Variants in GALNT13 observed in about 807,000 individuals in gnomAD.
GALNT13 encodes polypeptide N-acetylgalactosaminyltransferase 13, also known as UDP-GalNAc:polypeptide N-acetylgalactosaminyltransferase 13.
In GALNT13, 28 loss-of-function variants were observed where a neutral mutation model predicts 64.2. The observed-to-expected ratio is 0.44, with a 90% CI of 0.32 to 0.60. GALNT13 has a LOEUF of 0.60. Among genes scored for constraint, GALNT13 ranks in the 20% least tolerant of loss-of-function variants. The pLI, the probability that GALNT13 is intolerant of heterozygous loss-of-function variation, is 0.05. For synonymous variants in GALNT13, 214 were observed against 224.6 expected, an observed-to-expected ratio of 0.95 and a Z score of 0.42; for missense variants, 577 against 669.8, an observed-to-expected ratio of 0.86 and a Z score of 1.53.
the GALNT13 span, among the ~76,000 whole-genome samples, chr2:153,364,662 G>GGAATACAGCTAAAAA: frequency 2.6e-5 from 4 of 151,948 alleles, no homozygotes; most frequent in Non-Finnish European, 5.9e-5. Flanking sequence ...GAAATATCTA[G>GGAATACAGCTAAAAA]GAATACAGCT....
intron 4 of GALNT13, among the ~76,000 whole-genome samples, chr2:154,223,456 T>C (rs1242493251): frequency 6.8e-6 from 1 of 146,754 alleles, no homozygotes; most frequent in Non-Finnish European, 1.5e-5. Context: ...TTCTTTTTTT[T>C]TTTTTTTTTT....
chr2:153,646,327 C>A, the GALNT13 span, among the ~76,000 whole-genome samples: 1 of 151,816 alleles, frequency 6.6e-6, no homozygotes, highest in Non-Finnish European at 1.5e-5. Flanking sequence ...TTGAAGACAT[C>A]TGTATCTGCA....
At chr2:153,556,485 A>G in the GALNT13 span, among the ~76,000 whole-genome samples, 2 of 152,204 alleles carry the variant, frequency 1.3e-5, no homozygotes, top group Non-Finnish European at 2.9e-5. Flanking sequence ...ACTTTAGAAA[A>G]AGATTTCCTT....
At chr2:154,430,670 G>T (rs991014348) in intron 11 of GALNT13, among the ~76,000 whole-genome samples, 1 of 152,172 alleles carries the variant, frequency 6.6e-6, no homozygotes, top group Admixed American at 6.5e-5. Context: ...GTTCTACCAT[G>T]AGTAAAATGC....
At chr2:154,230,388 A>G (rs1688853000) in intron 4 of GALNT13, among the ~76,000 whole-genome samples, 1 of 152,148 alleles carries the variant, frequency 6.6e-6, no homozygotes, top group Non-Finnish European at 1.5e-5. Context: ...AATTATATTC[A>G]GAGGTTACAT....
At chr2:154,414,079 A>G (rs1165975192) in intron 11 of GALNT13, among the ~76,000 whole-genome samples, 1 of 152,040 alleles carries the variant, frequency 6.6e-6, no homozygotes, top group Non-Finnish European at 1.5e-5. Context: ...CAAGCCTATC[A>G]ATTTCCTTGT....
At chr2:153,657,062 G>A in the GALNT13 span, among the ~76,000 whole-genome samples, 81 of 152,198 alleles carry the variant, frequency 5.3e-4, no homozygotes, top group African/African-American at 1.7e-3. Context: ...GTCTTATAGC[G>A]GTGTTGGGCA....
At chr2:153,452,885 T>C in the GALNT13 span, among the ~76,000 whole-genome samples, 8 of 152,220 alleles carry the variant, frequency 5.3e-5, no homozygotes, top group African/African-American at 1.2e-4. Flanking sequence ...ACTATAAGGC[T>C]ATAATAATCA....
chr2:153,641,634 G>A, the GALNT13 span, among the ~76,000 whole-genome samples: 1 of 152,252 alleles, frequency 6.6e-6, no homozygotes, highest in South Asian at 2.1e-4. Flanking sequence ...ACTTACTGGT[G>A]TGGGTCTCAG....
intron 3 of GALNT13, among the ~76,000 whole-genome samples, chr2:153,957,627 G>A (rs1019182552): frequency 1.3e-5 from 2 of 152,192 alleles, no homozygotes; most frequent in Admixed American, 6.5e-5. Flanking sequence ...TGGCCCAGGG[G>A]CAGGCAAGTT....
At chr2:153,857,203 G>T in the GALNT13 span, among the ~76,000 whole-genome samples, 3 of 152,080 alleles carry the variant, frequency 2.0e-5, no homozygotes, top group Non-Finnish European at 4.4e-5. Flanking sequence ...TTTGAAATTA[G>T]CCATATTGGG....
At chr2:153,456,037 G>A in the GALNT13 span, among the ~76,000 whole-genome samples, 1 of 152,128 alleles carries the variant, frequency 6.6e-6, no homozygotes, top group Non-Finnish European at 1.5e-5. Flanking sequence ...GTCCCTCTGA[G>A]GCCAAGCCAC....
At chr2:153,995,225 A>G (rs1695443690) in intron 3 of GALNT13, among the ~76,000 whole-genome samples, 2 of 152,096 alleles carry the variant, frequency 1.3e-5, no homozygotes, top group Non-Finnish European at 2.9e-5. Flanking sequence ...TAAAACCCAC[A>G]TATTGATAAC....
chr2:153,119,137 A>G, the GALNT13 span, among the ~76,000 whole-genome samples: 1 of 152,140 alleles, frequency 6.6e-6, no homozygotes, highest in Admixed American at 6.6e-5. Flanking sequence ...AGGTCTCTCC[A>G]GTCATGCTGA....
intron 7 of GALNT13, among the ~76,000 whole-genome samples, chr2:154,254,056 C>T (rs918459028): frequency 1.3e-5 from 2 of 152,006 alleles, no homozygotes; most frequent in Admixed American, 6.6e-5. Context: ...GGGGACGGGG[C>T]AGTGGTGTTG....
chr2:154,095,191 G>A (rs899632043), intron 3 of GALNT13, among the ~76,000 whole-genome samples: 1 of 151,908 alleles, frequency 6.6e-6, no homozygotes, highest in African/African-American at 2.4e-5. Context: ...GTTAATTGGT[G>A]TCCTGACACA....
At chr2:153,569,999 A>C in the GALNT13 span, among the ~76,000 whole-genome samples, 2 of 152,246 alleles carry the variant, frequency 1.3e-5, no homozygotes, top group Middle Eastern at 3.4e-3. Flanking sequence ...TTTGAAGAAC[A>C]TCCAAACTGT....
At chr2:153,708,707 G>A in the GALNT13 span, among the ~76,000 whole-genome samples, 1 of 152,038 alleles carries the variant, frequency 6.6e-6, no homozygotes, top group Non-Finnish European at 1.5e-5. Context: ...AACAAAGCTG[G>A]AGGCATCACA....
chr2:153,341,665 G>C, the GALNT13 span, among the ~76,000 whole-genome samples: 30 of 152,246 alleles, frequency 2.0e-4, no homozygotes, highest in African/African-American at 7.2e-4. Flanking sequence ...ATTACCAGTA[G>C]GAAAAACTGC....
Sources: allele counts gnomAD v4.1 joint callset (sites outside exome capture counted in the v4.1 genomes callset), GRCh38; gene constraint gnomAD v4.1.1; transcripts MANE v1.5; gene names NCBI Gene and HGNC (gene_info 2026-07-23, HGNC 2026-07-21).